Variants in ATXN1 observed in about 807,000 individuals in gnomAD.
ATXN1 encodes ataxin 1.
ATXN1 carries 8 observed loss-of-function variants against 56.4 expected under a neutral mutation model. The observed-to-expected ratio is 0.14, with a 90% CI of 0.08 to 0.26. The LOEUF is 0.26. Among genes scored for constraint, ATXN1 ranks in the 10% least tolerant of loss-of-function variants. The pLI is 1.00. For missense variants in ATXN1, 987 were observed against 1,106.5 expected (o/e 0.89, Z 1.53); for synonymous variants, 514 against 494.6 (o/e 1.04, Z -0.52).
intron 6 of ATXN1, chr6:16,485,366 A>T (rs1760524353): frequency 2.0e-5 from 3 of 152,186 alleles, no homozygotes. Context: ...CCATCAGGTG[A>T]CATGTGGGAA....
intron 7 of ATXN1, among the ~76,000 whole-genome samples, chr6:16,321,378 C>G (rs963631290): frequency 2.0e-4 from 31 of 152,334 alleles, no homozygotes; most frequent in African/African-American, 7.0e-4. Flanking sequence ...AGAATCAAGG[C>G]ATGGCAAAGC....
chr6:16,312,826 C>A (rs180004), intron 7 of ATXN1, among the ~76,000 whole-genome samples: 2 of 151,994 alleles, frequency 1.3e-5, no homozygotes, highest in African/African-American at 4.8e-5. Flanking sequence ...CCCATACCCC[C>A]CTCCCATAAA....
intron 3 of ATXN1, among the ~76,000 whole-genome samples, chr6:16,588,006 G>T (rs1762658301): frequency 6.6e-6 from 1 of 151,430 alleles, no homozygotes; most frequent in Non-Finnish European, 1.5e-5. Flanking sequence ...ATTCCATTGT[G>T]ATGTCATCCT....
intron 2 of ATXN1, among the ~76,000 whole-genome samples, chr6:16,726,644 C>T (rs2113477922): frequency 6.6e-6 from 1 of 152,116 alleles, no homozygotes; most frequent in East Asian, 1.9e-4. Flanking sequence ...GCGGGTGGAT[C>T]ACTTGAGGTC....
At chr6:16,372,049 A>AT (rs1253174906) in intron 6 of ATXN1, among the ~76,000 whole-genome samples, 1 of 152,254 alleles carries the variant, frequency 6.6e-6, no homozygotes, top group Non-Finnish European at 1.5e-5. Context: ...TGTATGTGAT[A>AT]TTGTTGATAC....
intron 5 of ATXN1, among the ~76,000 whole-genome samples, chr6:16,504,556 C>T (rs1025972287): frequency 5.3e-5 from 8 of 152,078 alleles, no homozygotes; most frequent in African/African-American, 1.2e-4. Flanking sequence ...TGCACAGAAT[C>T]GTTTTTAATT....
In ATXN1 at chr6:16,628,556, C is replaced by T. The variant is rs758819859; in HGVS notation, c.-489+29220G>A. Among the ~76,000 whole-genome samples, 84 of 152,056 alleles carry T rather than the reference C, an allele frequency of 5.5e-4. 2 individuals are homozygous for T. Among genetic ancestry groups the T allele is most frequent in the Admixed American group, 5.2e-3 (80 of 15,268 alleles). ...TGGGGGTTTGTTGTACAGATGGTTT[C>T]GTCACCCAGATACTAAGCCTAGTAC... On this transcript the variant is annotated intron_variant, in intron 3 of 7. Coordinates refer to ENST00000436367, the MANE Select transcript of ATXN1 (RefSeq NM_001128164.2).
chr6:16,447,136 A>G (rs1054097061), intron 6 of ATXN1, among the ~76,000 whole-genome samples: 7 of 152,250 alleles, frequency 4.6e-5, no homozygotes, highest in African/African-American at 1.7e-4. Flanking sequence ...GTTTCCCTGG[A>G]AAGTAAATAT....
intron 3 of ATXN1, among the ~76,000 whole-genome samples, chr6:16,625,008 AG>A: frequency 6.6e-6 from 1 of 152,342 alleles, no homozygotes; most frequent in South Asian, 2.1e-4. Context: ...TAAGGTTCGG[AG>A]GACACTTTTT....
At chr6:16,659,828 T>C (rs1758280872) in intron 2 of ATXN1, among the ~76,000 whole-genome samples, 1 of 152,226 alleles carries the variant, frequency 6.6e-6, no homozygotes, top group Non-Finnish European at 1.5e-5. Context: ...TTCAACTATC[T>C]TGCAGCAAAA....
chr6:16,536,161 G>A (rs191229361), intron 4 of ATXN1, among the ~76,000 whole-genome samples: 1 of 152,222 alleles, frequency 6.6e-6, no homozygotes. Flanking sequence ...AGTCTGCAGT[G>A]AGCTGAGATC....
At chr6:16,358,587 T>A (rs1050828169) in intron 6 of ATXN1, among the ~76,000 whole-genome samples, 2 of 152,240 alleles carry the variant, frequency 1.3e-5, no homozygotes, top group East Asian at 3.8e-4. Context: ...CAGTGGCTGC[T>A]GCCATCAAGC....
intron 6 of ATXN1, among the ~76,000 whole-genome samples, chr6:16,365,470 C>A (rs1434007331): frequency 6.6e-6 from 1 of 152,200 alleles, no homozygotes; most frequent in Non-Finnish European, 1.5e-5. Context: ...TGAGCCACTG[C>A]GCCTGGCCGA....
rs555902751 is a variant in ATXN1, at chr6:16,437,364, C to T, written c.-161+48608G>A. 4.6e-5 allele frequency among the ~76,000 whole-genome samples: 7 copies of T among 152,320 alleles called. No homozygotes were observed. In the East Asian group the frequency reaches 1.4e-3, roughly 29 times the overall value. ...CTACTTGATGCGGATAAGTTCCATC[C>T]ACTGGCAAACCCAAAAGCTACACAT... On this transcript the variant is annotated intron_variant, in intron 6 of 7. Transcript: ENST00000436367.
chr6:16,579,480 G>GCCA (rs1762484095), intron 4 of ATXN1, among the ~76,000 whole-genome samples: 2 of 21,896 alleles, frequency 9.1e-5, no homozygotes, highest in Admixed American at 9.4e-4. Flanking sequence ...CTTGGTCAAA[G>GCCA]CCCCCCCCCC....
At chr6:16,652,259 G>A (rs535013271) in intron 3 of ATXN1, 17 of 152,292 alleles carry the variant, frequency 1.1e-4, no homozygotes, top group Non-Finnish European at 2.1e-4. Context: ...GCTTTCTAAC[G>A]ATGGTCTTTA....
intron 3 of ATXN1, among the ~76,000 whole-genome samples, chr6:16,648,240 G>A (rs1338330100): frequency 6.6e-6 from 1 of 152,074 alleles, no homozygotes; most frequent in Non-Finnish European, 1.5e-5. Flanking sequence ...CCAACACTAG[G>A]CAACCTTGGA....
intron 2 of ATXN1, among the ~76,000 whole-genome samples, chr6:16,673,031 A>AAAG (rs1225453280): frequency 2.0e-5 from 3 of 151,490 alleles, no homozygotes; most frequent in Admixed American, 6.6e-5. Context: ...AAAAAAAAAA[A>AAAG]AAAAAGAAAA....
intron 2 of ATXN1, among the ~76,000 whole-genome samples, chr6:16,685,595 T>C (rs1275443023): frequency 6.6e-6 from 1 of 152,202 alleles, no homozygotes; most frequent in Non-Finnish European, 1.5e-5. Context: ...TTATTACTAT[T>C]ATTATTTTAC....
Sources: allele counts gnomAD v4.1 joint callset (sites outside exome capture counted in the v4.1 genomes callset), GRCh38; gene constraint gnomAD v4.1.1; transcripts MANE v1.5; gene names NCBI Gene and HGNC (gene_info 2026-07-23, HGNC 2026-07-21).